Variants in UNC79 observed in about 807,000 individuals in gnomAD.
The protein encoded by UNC79 is protein unc-79 homolog.
A neutral mutation model predicts 283.1 loss-of-function variants in UNC79; 37 were observed. The observed-to-expected ratio is 0.13, with a 90% CI of 0.10 to 0.17. The LOEUF is 0.17. Among genes scored for constraint, UNC79 ranks in the 10% least tolerant of loss-of-function variants. The pLI is 1.00. For missense variants in UNC79, 2,272 were observed against 3,211.1 expected, an observed-to-expected ratio of 0.71 and a Z score of 7.07; for synonymous variants, 1,107 against 1,200.2, an observed-to-expected ratio of 0.92 and a Z score of 1.61.
chr14:93,385,921 AG>A (rs1360152219), intron 1 of UNC79, among the ~76,000 whole-genome samples: 6 of 152,210 alleles, frequency 3.9e-5, no homozygotes, highest in Non-Finnish European at 8.8e-5. Flanking sequence ...TCTGCAAACA[AG>A]GATGATTTGA....
chr14:93,700,515 G>A (rs564070706), intron 47 of UNC79, among the ~76,000 whole-genome samples: 15 of 151,948 alleles, frequency 9.9e-5, no homozygotes, highest in African/African-American at 2.7e-4. Flanking sequence ...CTCCTCATTC[G>A]TGTGTTTCTT....
Position 93,377,285 on chromosome 14 carries a change from G to A in UNC79, c.-351+43762G>A, listed in dbSNP as rs140532657. Among the ~76,000 whole-genome samples, 350 of 151,988 alleles carry A rather than the reference G, an allele frequency of 2.3e-3. 1 individual carries two copies. The highest frequency in any genetic ancestry group is 8.1e-3 in the African/African-American group (334 of 41,450). On this transcript the variant is annotated intron_variant, in intron 1 of 49. Coordinates refer to the UNC79 transcript ENST00000256339. The stretch of plus-strand genomic sequence containing the variant: ...TTGTTTTTGCATTTTTAGTAGAGAT[G>A]GGGTTTCACCATGTTAGCCAGGATG...
At chr14:93,398,301 A>G (rs1240550902) in intron 1 of UNC79, among the ~76,000 whole-genome samples, 1 of 152,210 alleles carries the variant, frequency 6.6e-6, no homozygotes, top group Non-Finnish European at 1.5e-5. Flanking sequence ...GAGTGTGACT[A>G]GGAGGATAAT....
chr14:93,403,143 G>A (rs2055146181), intron 1 of UNC79, among the ~76,000 whole-genome samples: 1 of 152,164 alleles, frequency 6.6e-6, no homozygotes, highest in African/African-American at 2.4e-5. Flanking sequence ...TGAGAGGGGG[G>A]TAGAGGAATA....
intron 1 of UNC79, among the ~76,000 whole-genome samples, chr14:93,462,973 G>A (rs919387592): frequency 3.1e-4 from 47 of 152,242 alleles, no homozygotes; most frequent in African/African-American, 1.1e-3. Context: ...TTGGCCCCTG[G>A]ATGCTCCTGA....
At chr14:93,601,147 G>A (rs892263096) in intron 25 of UNC79, among the ~76,000 whole-genome samples, 11 of 152,056 alleles carry the variant, frequency 7.2e-5, no homozygotes, top group African/African-American at 2.7e-4. Context: ...GTGGGTTTTG[G>A]TTACATGGAT....
At chr14:93,706,627 AG>A in intron 48 of UNC79, 76 bp from the exon 52 acceptor site, 1 of 1,563,136 alleles carries the variant, frequency 6.4e-7, no homozygotes, top group East Asian at 2.3e-5. Context: ...TCTGCCTGCA[AG>A]AAGCCGCCCG....
exon 14 of UNC79, chr14:93,542,651 T>G: frequency 6.2e-7 from 1 of 1,614,232 alleles, no homozygotes; most frequent in Non-Finnish European, 8.5e-7. Context: ...TTCGCTTCGA[T>G]GTCATGGTCA....
intron 14 of UNC79, among the ~76,000 whole-genome samples, chr14:93,562,988 A>G (rs993750523): frequency 6.6e-6 from 1 of 152,178 alleles, no homozygotes; most frequent in Non-Finnish European, 1.5e-5. Context: ...GATTTCCTTG[A>G]GGATAGATTT....
chr14:93,403,908 C>G (rs2055162231), intron 1 of UNC79, among the ~76,000 whole-genome samples: 1 of 149,178 alleles, frequency 6.7e-6, no homozygotes, highest in Non-Finnish European at 1.5e-5. Context: ...GAGCTAGACT[C>G]TTATATCCAC....
intron 1 of UNC79, among the ~76,000 whole-genome samples, chr14:93,389,630 C>CCCA (rs1232077465): frequency 0.011 from 1,671 of 150,778 alleles, 31 homozygotes; most frequent in African/African-American, 0.039. Context: ...ACAAATTCTT[C>CCCA]CAGAAAACAA....
At chr14:93,485,325 G>A (rs2058363439) in intron 4 of UNC79, among the ~76,000 whole-genome samples, 1 of 151,536 alleles carries the variant, frequency 6.6e-6, no homozygotes, top group South Asian at 2.1e-4. Flanking sequence ...AGGGCACAGG[G>A]TGTGCAATTA....
intron 14 of UNC79, among the ~76,000 whole-genome samples, chr14:93,558,554 TAA>T (rs563152046): frequency 1.3e-4 from 17 of 126,394 alleles, no homozygotes; most frequent in African/African-American, 1.8e-4. Context: ...AGACTCCATT[TAA>T]AAAAAAAAAA....
intron 7 of UNC79, among the ~76,000 whole-genome samples, chr14:93,519,212 A>G (rs1176058721): frequency 6.6e-6 from 1 of 151,786 alleles, no homozygotes; most frequent in African/African-American, 2.4e-5. Flanking sequence ...TTCTAGGTTA[A>G]TTGACCCTTT....
intron 41 of UNC79, among the ~76,000 whole-genome samples, chr14:93,675,539 G>C (rs1435324593): frequency 6.6e-6 from 1 of 152,220 alleles, no homozygotes; most frequent in Admixed American, 6.5e-5. Flanking sequence ...TTGTAGAAGA[G>C]TTCACATGCA....
intron 37 of UNC79, among the ~76,000 whole-genome samples, chr14:93,654,288 C>A (rs953789055): frequency 1.3e-5 from 2 of 152,084 alleles, no homozygotes; most frequent in African/African-American, 4.8e-5. Context: ...GCCAGGAGTT[C>A]AAGACTAGCC....
At chr14:93,647,662 A>G (rs1427148894) in intron 35 of UNC79, among the ~76,000 whole-genome samples, 1 of 152,178 alleles carries the variant, frequency 6.6e-6, no homozygotes, top group African/African-American at 2.4e-5. Flanking sequence ...AGCCAGGCCA[A>G]GTAGAGCCCT....
rs190069624 is a variant in UNC79, at chr14:93,598,486, C to T, written c.3372+946C>T. On this transcript the variant is annotated intron_variant, in intron 24 of 48. Coordinates refer to ENST00000555664, the Ensembl canonical transcript of UNC79. ...GGGCTGGAGGCCTCTGTTGTTAGAG[C>T]CTTGATGCTAACAGAAATCAGATAA... 1.5e-4 allele frequency among the ~76,000 whole-genome samples: 23 copies of T among 151,468 alleles called. No individual in the cohort carries two copies. In the East Asian group the frequency reaches 4.5e-3, roughly 29 times the overall value.
chr14:93,597,958 T>C (rs2065192983), intron 24 of UNC79, among the ~76,000 whole-genome samples: 1 of 152,178 alleles, frequency 6.6e-6, no homozygotes, highest in African/African-American at 2.4e-5. Context: ...GGAAGAAATA[T>C]ACCAGAACCA....
Sources: gnomAD v4.1 joint callset for allele counts (sites outside exome capture counted in the v4.1 genomes callset) on GRCh38, gnomAD v4.1.1 for gene constraint, MANE v1.5 for transcripts, NCBI Gene and HGNC (gene_info 2026-07-23, HGNC 2026-07-21) for gene names.